The following URGCP variants were observed in gnomAD, a reference collection of about 807,000 sequenced individuals.
URGCP encodes the protein upregulator of cell proliferation.
URGCP carries 13 observed loss-of-function variants against 24.6 expected under a neutral mutation model. The observed-to-expected ratio is 0.53, with a 90% CI of 0.34 to 0.84. The LOEUF (loss-of-function observed/expected upper bound fraction) is 0.84, where lower values mean the gene tolerates loss of function less well. Among genes scored for constraint, URGCP ranks in the 40% least tolerant of loss-of-function variants. URGCP has a pLI of 0.01. For missense variants in URGCP, 899 were observed against 1,194.3 expected, an observed-to-expected ratio of 0.75 and a Z score of 3.64; for synonymous variants, 444 against 487.2, an observed-to-expected ratio of 0.91 and a Z score of 1.17.
chr7:43,894,974 A>G (rs1200965660), intron 1 of URGCP, among the ~76,000 whole-genome samples: 1 of 152,074 alleles, frequency 6.6e-6, no homozygotes, highest in Non-Finnish European at 1.5e-5. Context: ...GAAGCTGAGT[A>G]AGCTGTGATC....
intron 4 of URGCP, 91 bp from the exon 5 acceptor site, chr7:43,881,788 T>C (rs898911770): frequency 1.4e-5 from 22 of 1,609,338 alleles, no homozygotes; most frequent in Non-Finnish European, 1.9e-5. Context: ...AGAACCCTTC[T>C]TTCTCACCAA....
chr7:43,892,521 C>T (rs1015445552), intron 1 of URGCP, among the ~76,000 whole-genome samples: 1 of 152,166 alleles, frequency 6.6e-6, no homozygotes, highest in African/African-American at 2.4e-5. Context: ...CCAGCTTCCA[C>T]CTCTGTCTTC....
chr7:43,913,291 C>T (rs946650931), intron 1 of URGCP, among the ~76,000 whole-genome samples: 7 of 152,232 alleles, frequency 4.6e-5, no homozygotes, highest in Non-Finnish European at 1.0e-4. Flanking sequence ...TCACTGCAAG[C>T]TCCGCCTCCT....
intron 1 of URGCP, among the ~76,000 whole-genome samples, chr7:43,913,507 C>T (rs1238838523): frequency 3.3e-5 from 5 of 152,142 alleles, no homozygotes; most frequent in African/African-American, 4.8e-5. Context: ...CGTGAACCAC[C>T]GCACCTGGCC....
At chr7:43,890,795 G>C (rs1454372433) in intron 1 of URGCP, among the ~76,000 whole-genome samples, 1 of 152,186 alleles carries the variant, frequency 6.6e-6, no homozygotes, top group African/African-American at 2.4e-5. Context: ...CTGGCAGAAA[G>C]AATCAAGCCC....
chr7:43,905,510 G>A (rs2095899791), intron 1 of URGCP: 1 of 152,188 alleles, frequency 6.6e-6, no homozygotes, highest in Middle Eastern at 3.2e-3. Flanking sequence ...CCACTGTACT[G>A]AGCCAAATCA....
At chr7:43,919,164 C>A in intron 1 of URGCP, 2 of 877,682 alleles carry the variant, frequency 2.3e-6, no homozygotes, top group Non-Finnish European at 3.9e-6. Context: ...CTTAGAATGG[C>A]TGAATGACAG....
At position 43,877,507 on chromosome 7, in the gene URGCP, C is replaced by T; in HGVS notation, c.1956G>A (p.Glu652=). ...CCAGAGGCAGCCCTGTCAGCAGCAGCTCCGAGGCCAAGCCTGGGAAGTGGG... is the reference window on the plus strand; with the variant it reads ...CCAGAGGCAGCCCTGTCAGCAGCAGTTCCGAGGCCAAGCCTGGGAAGTGGG... ...RFAHFPGLAS[E]LLLTGLPLEL... is the part of the protein sequence containing the mutation. Residue 652 remains glutamate (E), a synonymous_variant, in exon 6 of 6, where the codon GAG becomes GAA. Coordinates refer to ENST00000453200, the MANE Select transcript of URGCP (RefSeq NM_001077663.3). The T allele has an allele frequency of 6.2e-7, 1 of 1,613,292 alleles. No individual in the cohort carries two copies. Among genetic ancestry groups the T allele is most frequent in the Non-Finnish European group, 8.5e-7 (1 of 1,180,028 alleles).
chr7:43,900,454 CA>C (rs1450616142), intron 1 of URGCP, among the ~76,000 whole-genome samples: 1 of 43,698 alleles, frequency 2.3e-5, no homozygotes. Context: ...GACCCTGCCT[CA>C]AAAAAAACCA....
chr7:43,883,321 A>AATATATATATATATACATATATAT (rs1259625985), intron 3 of URGCP, among the ~76,000 whole-genome samples: 2 of 134,560 alleles, frequency 1.5e-5, no homozygotes, highest in African/African-American at 2.8e-5. Flanking sequence ...TATATATATA[A>AATATATATATATATACATATATAT]ATATATATAT....
Position 43,876,731 on chromosome 7 carries a change from CTGA to C in URGCP, c.2729_2731del (p.Ile910del). Reference sequence around the variant, plus strand: ...TTTGTTTTGGTTCGACAAGCCGTTCCTGATGTTTTCGAGTAGGCATCTCTTCAA... The same window carrying C: ...TTTGTTTTGGTTCGACAAGCCGTTCCTGTTTTCGAGTAGGCATCTCTTCAA... On this transcript the variant is annotated inframe_deletion, in exon 6 of 6. Transcript: ENST00000453200. 1 of 1,614,226 alleles carries C rather than the reference CTGA, an allele frequency of 6.2e-7. No homozygotes were observed. The highest frequency in any genetic ancestry group is 8.5e-7 in the Non-Finnish European group (1 of 1,180,044).
intron 1 of URGCP, chr7:43,919,078 G>A: frequency 1.1e-6 from 1 of 952,328 alleles, no homozygotes. Context: ...GAGGCAGATG[G>A]TAGTGACAAT....
chr7:43,894,342 A>T (rs2095875297), intron 1 of URGCP, among the ~76,000 whole-genome samples: 1 of 152,054 alleles, frequency 6.6e-6, no homozygotes, highest in Non-Finnish European at 1.5e-5. Context: ...AAATCAACAA[A>T]TTTTTTAAAT....
rs767549758 is a variant in URGCP, at chr7:43,876,670, C to T, written c.2793G>A (p.Leu931=). The T allele has an allele frequency of 9.9e-6, 16 of 1,613,184 alleles. No individual in the cohort carries two copies. The African/African-American group carries it at 1.1e-4, about 11-fold the overall frequency. ...TGAACTGGGTTTCTCTGCACACTCA[C>T]AGCCGTCTCACCAGCTCAATGAGCT... The part of the protein sequence containing the change: ...IQQLIELVRR[L] The change falls in exon 6 of 6, where the codon CTG becomes CTA. Residue 931 remains leucine (L), a synonymous_variant. Transcript: ENST00000453200.
At chr7:43,920,527 C>G (rs1404930717) in intron 1 of URGCP, among the ~76,000 whole-genome samples, 1 of 152,218 alleles carries the variant, frequency 6.6e-6, no homozygotes, top group Non-Finnish European at 1.5e-5. Context: ...CGCACCATTG[C>G]ACAACGGCCT....
intron 1 of URGCP, among the ~76,000 whole-genome samples, chr7:43,923,419 T>C (rs115282645): frequency 0.035 from 5,263 of 152,018 alleles, 337 homozygotes; most frequent in African/African-American, 0.12. Flanking sequence ...CCCGAATAGC[T>C]GTGCCCTCAG....
chr7:43,901,357 G>C (rs1284282139), intron 1 of URGCP, among the ~76,000 whole-genome samples: 2 of 152,190 alleles, frequency 1.3e-5, no homozygotes, highest in African/African-American at 4.8e-5. Context: ...CCCATGGGCA[G>C]GTGAGTGAAG....
At chr7:43,900,481 A>AG (rs372472419) in intron 1 of URGCP, among the ~76,000 whole-genome samples, 17 of 147,702 alleles carry the variant, frequency 1.2e-4, no homozygotes, top group South Asian at 2.1e-4. Context: ...AAAAAAAAAA[A>AG]AAAAAGAAAA....
chr7:43,903,768 T>C (rs2095895964), intron 1 of URGCP, among the ~76,000 whole-genome samples: 1 of 152,190 alleles, frequency 6.6e-6, no homozygotes, highest in Non-Finnish European at 1.5e-5. Flanking sequence ...CAGAAGCCCA[T>C]CCATGAATCA....
Sources: allele counts gnomAD v4.1 joint callset (sites outside exome capture counted in the v4.1 genomes callset), GRCh38; gene constraint gnomAD v4.1.1; transcripts MANE v1.5; gene names NCBI Gene and HGNC (gene_info 2026-07-23, HGNC 2026-07-21).